PTPRN2: variants seen among roughly 807,000 people sequenced by gnomAD.
PTPRN2 encodes the protein protein tyrosine phosphatase receptor type N2, also known as receptor-type tyrosine-protein phosphatase N2.
In PTPRN2, 74 loss-of-function variants were observed where a neutral mutation model predicts 118.8. The ratio of observed to expected loss-of-function variants is 0.62; its 90% CI spans 0.52 to 0.76. PTPRN2 has a LOEUF of 0.76. Among genes scored for constraint, PTPRN2 ranks in the 30% least tolerant of loss-of-function variants. The probability of loss-of-function intolerance (pLI) is 0.00; values close to 1 mark genes in which losing one functional copy is unlikely to be tolerated. For synonymous variants in PTPRN2, 641 were observed against 608.0 expected (o/e 1.05, Z -0.80); for missense variants, 1,481 against 1,394.4 (o/e 1.06, Z -0.99).
chr7:158,223,567 A>C (rs1201598680), intron 3 of PTPRN2, among the ~76,000 whole-genome samples: 1 of 152,198 alleles, frequency 6.6e-6, no homozygotes, highest in Non-Finnish European at 1.5e-5. Context: ...AAAAAATCAC[A>C]TGATTACAGC....
chr7:157,697,355 C>A, intron 12 of PTPRN2, among the ~76,000 whole-genome samples: 1 of 139,132 alleles, frequency 7.2e-6, no homozygotes, highest in African/African-American at 2.8e-5. Context: ...GTAGAGCCCT[C>A]ACCATCTACC....
At chr7:158,475,516 C>T (rs529913330) in intron 2 of PTPRN2, among the ~76,000 whole-genome samples, 1 of 152,172 alleles carries the variant, frequency 6.6e-6, no homozygotes, top group South Asian at 2.1e-4. Flanking sequence ...GACGGGCCCA[C>T]TCAGCAGAGG....
At chr7:157,714,320 T>C (rs1798797290) in intron 12 of PTPRN2, among the ~76,000 whole-genome samples, 1 of 152,254 alleles carries the variant, frequency 6.6e-6, no homozygotes, top group South Asian at 2.1e-4. Flanking sequence ...TTTGATGAGT[T>C]ACTACCTGTG....
intron 11 of PTPRN2, among the ~76,000 whole-genome samples, chr7:158,044,689 C>T (rs1257136905): frequency 2.6e-5 from 4 of 152,038 alleles, no homozygotes; most frequent in African/African-American, 9.7e-5. Context: ...ACAGCTGGTC[C>T]CAGGGGACCA....
intron 3 of PTPRN2, among the ~76,000 whole-genome samples, chr7:158,244,973 A>C (rs1405335052): frequency 6.6e-6 from 1 of 152,202 alleles, no homozygotes; most frequent in Non-Finnish European, 1.5e-5. Flanking sequence ...CGAGGCCAGC[A>C]GTTCGAAGCC....
chr7:158,490,837 T>C (rs945633478), intron 1 of PTPRN2, among the ~76,000 whole-genome samples: 5 of 152,322 alleles, frequency 3.3e-5, no homozygotes, highest in South Asian at 4.1e-4. Flanking sequence ...CTCGCCACAC[T>C]GTGCAGTGAC....
chr7:158,341,578 A>C (rs1174198491), intron 2 of PTPRN2, among the ~76,000 whole-genome samples: 6 of 99,350 alleles, frequency 6.0e-5, no homozygotes, highest in Non-Finnish European at 6.5e-5. Context: ...CACTCTCACC[A>C]TAAGAGGTGA....
chr7:158,233,860 G>T (rs1250987888), intron 3 of PTPRN2, among the ~76,000 whole-genome samples: 1 of 152,110 alleles, frequency 6.6e-6, no homozygotes, highest in Non-Finnish European at 1.5e-5. Context: ...ACCAAGAGCA[G>T]ATATTGGGGA....
chr7:158,238,138 C>T lies in PTPRN2; in HGVS notation c.278-32865G>A, dbSNP rs190208078. 4.2e-3 allele frequency among the ~76,000 whole-genome samples: 636 copies of T among 152,188 alleles called. 10 individuals are homozygous for T. Among genetic ancestry groups the T allele is most frequent in the African/African-American group, 0.014 (576 of 41,520 alleles). ...TCGGGGCGGCTAAGTCGCTAAGTCA[C>T]GCCCGTGTCCGGCTCTGATTGGAAA... On this transcript the variant is annotated intron_variant, in intron 3 of 22. Transcript: ENST00000389418.
chr7:158,423,234 C>T (rs1459705794), intron 2 of PTPRN2, among the ~76,000 whole-genome samples: 2 of 152,216 alleles, frequency 1.3e-5, no homozygotes, highest in African/African-American at 4.8e-5. Context: ...GGGGGAGAAA[C>T]CGGGATCCAT....
At chr7:157,936,314 G>T (rs1049896319) in intron 11 of PTPRN2, among the ~76,000 whole-genome samples, 1 of 152,170 alleles carries the variant, frequency 6.6e-6, no homozygotes, top group African/African-American at 2.4e-5. Flanking sequence ...AGATGCTATC[G>T]ATTATGGGCT....
intron 11 of PTPRN2, among the ~76,000 whole-genome samples, chr7:158,079,061 T>C (rs1265033240): frequency 6.6e-6 from 1 of 152,202 alleles, no homozygotes; most frequent in African/African-American, 2.4e-5. Flanking sequence ...CAGTCTGGTC[T>C]TGAACTCCCA....
intron 3 of PTPRN2, among the ~76,000 whole-genome samples, chr7:158,277,943 G>A (rs10949707): frequency 2.0e-5 from 3 of 149,502 alleles, no homozygotes; most frequent in East Asian, 1.9e-4. Context: ...GGCACACAAG[G>A]GGGGGATGGG....
At chr7:157,758,105 C>A (rs1200237856) in intron 12 of PTPRN2, among the ~76,000 whole-genome samples, 4 of 152,214 alleles carry the variant, frequency 2.6e-5, no homozygotes, top group South Asian at 2.1e-4. Flanking sequence ...ATTGACGGAG[C>A]GGGAGATGCG....
intron 11 of PTPRN2, among the ~76,000 whole-genome samples, chr7:157,955,798 G>T (rs1801147676): frequency 6.6e-6 from 1 of 152,190 alleles, no homozygotes. Context: ...TTAGCCCAGG[G>T]GTGTGGAACA....
Position 158,114,594 on chromosome 7 carries a change from AGAG to A in PTPRN2, c.1557-3682_1557-3680del, listed in dbSNP as rs576793652. Reference sequence around the variant, plus strand: ...CAGGAGCTATGGAAGCAGAGATGAGAGAGGAGGAGGAGCCAGCGGCCCCCGGCA... The same window carrying A: ...CAGGAGCTATGGAAGCAGAGATGAGAGAGGAGGAGCCAGCGGCCCCCGGCA... On this transcript the variant is annotated intron_variant, in intron 9 of 22. Transcript: ENST00000389418. Among the ~76,000 whole-genome samples, 519 of 152,314 alleles carry A rather than the reference AGAG, an allele frequency of 3.4e-3. 5 individuals are homozygous for A. Among genetic ancestry groups the A allele is most frequent in the African/African-American group, 0.012 (499 of 41,554 alleles).
intron 2 of PTPRN2, among the ~76,000 whole-genome samples, chr7:158,483,491 C>T (rs1820786491): frequency 1.3e-5 from 2 of 152,212 alleles, no homozygotes; most frequent in Admixed American, 6.5e-5. Context: ...CTAAAGTCTT[C>T]CACTTTGGGG....
At chr7:157,749,821 T>C (rs867628055) in intron 12 of PTPRN2, among the ~76,000 whole-genome samples, 444 of 59,736 alleles carry the variant, frequency 7.4e-3, no homozygotes, top group Middle Eastern at 0.015. Flanking sequence ...CTGGGTGATT[T>C]TGAGGCCTGC....
intron 9 of PTPRN2, among the ~76,000 whole-genome samples, chr7:158,131,147 C>CGCAA (rs1314242069): frequency 1.3e-5 from 1 of 74,154 alleles, no homozygotes; most frequent in East Asian, 3.3e-4. Context: ...CACATACACA[C>CGCAA]ACAAATACCC....
Sources: allele counts gnomAD v4.1 joint callset (sites outside exome capture counted in the v4.1 genomes callset), GRCh38; gene constraint gnomAD v4.1.1; transcripts MANE v1.5; gene names NCBI Gene and HGNC (gene_info 2026-07-23, HGNC 2026-07-21).